Variants in CLASP1 observed in about 807,000 individuals in gnomAD.
The protein encoded by CLASP1 is cytoplasmic linker associated protein 1, also known as CLIP-associating protein 1.
A neutral mutation model predicts 192.3 loss-of-function variants in CLASP1; 38 were observed. The ratio of observed to expected loss-of-function variants is 0.20; its 90% CI spans 0.15 to 0.26. CLASP1 has a LOEUF of 0.26. Ranked by LOEUF, CLASP1 falls within the 10% of genes least tolerant of loss-of-function variation. The probability of loss-of-function intolerance (pLI) is 1.00; values close to 1 mark genes in which losing one functional copy is unlikely to be tolerated. For missense variants in CLASP1, 1,433 were observed against 1,932.5 expected, an observed-to-expected ratio of 0.74 and a Z score of 4.85; for synonymous variants, 691 against 712.8, an observed-to-expected ratio of 0.97 and a Z score of 0.49.
intron 19 of CLASP1, among the ~76,000 whole-genome samples, chr2:121,431,325 T>C (rs1259169671): frequency 6.6e-6 from 1 of 152,240 alleles, no homozygotes; most frequent in Non-Finnish European, 1.5e-5. Context: ...TACCATTTAC[T>C]AACAACTATA....
intron 7 of CLASP1, among the ~76,000 whole-genome samples, chr2:121,511,792 C>T (rs1350626226): frequency 1.3e-5 from 2 of 152,134 alleles, no homozygotes; most frequent in Non-Finnish European, 2.9e-5. Flanking sequence ...GAGGAACTGT[C>T]TTTTCAAAAA....
At chr2:121,425,468 C>T (rs1252619159) in intron 21 of CLASP1, among the ~76,000 whole-genome samples, 162 bp from the exon 22 acceptor site, 15 of 151,910 alleles carry the variant, frequency 9.9e-5, no homozygotes. Flanking sequence ...AATGTAGGAG[C>T]ATAAAAGACA....
In CLASP1 at chr2:121,449,131, C is replaced by T. The variant is rs755285550; in HGVS notation, c.1524-11G>A. ...AAACCCCAGTAACATCTAGAGGAAA[C>T]ACACAAAATCCTGGTCTAATTCAAG... On this transcript the variant is annotated splice_polypyrimidine_tract_variant and intron_variant, in intron 16 of 39. Transcript: ENST00000263710. 6.2e-7 allele frequency: 1 copy of T among 1,612,890 alleles called. No homozygotes were observed. Among genetic ancestry groups the T allele is most frequent in the Non-Finnish European group, 8.5e-7 (1 of 1,179,234 alleles).
At chr2:121,516,561 G>A (rs753646955) in intron 6 of CLASP1, among the ~76,000 whole-genome samples, 2 of 152,244 alleles carry the variant, frequency 1.3e-5, no homozygotes, top group Non-Finnish European at 2.9e-5. Context: ...GAAATAAGGT[G>A]TGAGAGACAG....
intron 1 of CLASP1, among the ~76,000 whole-genome samples, chr2:121,628,194 G>A (rs1408081899): frequency 6.6e-6 from 1 of 152,156 alleles, no homozygotes; most frequent in African/African-American, 2.4e-5. Flanking sequence ...AGAGAGCTGT[G>A]CCTTAACAAT....
intron 39 of CLASP1, among the ~76,000 whole-genome samples, chr2:121,344,898 C>G (rs1419533676): frequency 6.6e-6 from 1 of 152,166 alleles, no homozygotes; most frequent in East Asian, 1.9e-4. Flanking sequence ...TGGCTCACAC[C>G]TGCAATCCCA....
At chr2:121,368,186 C>T (rs772792280) in intron 34 of CLASP1, among the ~76,000 whole-genome samples, 9 of 152,098 alleles carry the variant, frequency 5.9e-5, no homozygotes, top group African/African-American at 1.7e-4. Flanking sequence ...AGACCAGCAA[C>T]GGGGGCTTCT....
At chr2:121,377,893 G>A (rs1406475771) in intron 33 of CLASP1, among the ~76,000 whole-genome samples, 1 of 152,148 alleles carries the variant, frequency 6.6e-6, no homozygotes, top group Non-Finnish European at 1.5e-5. Context: ...GGAAACAACA[G>A]TAACCACGAG....
chr2:121,440,930 G>C (rs2083229354), intron 19 of CLASP1, among the ~76,000 whole-genome samples: 1 of 151,994 alleles, frequency 6.6e-6, no homozygotes. Context: ...CAGACCCAGA[G>C]GAAAACAAAG....
At chr2:121,463,349 TC>T (rs1201142833) in intron 9 of CLASP1, among the ~76,000 whole-genome samples, 1 of 152,134 alleles carries the variant, frequency 6.6e-6, no homozygotes, top group Non-Finnish European at 1.5e-5. Flanking sequence ...TTCTTACCAC[TC>T]ATGTATCTGG....
At chr2:121,507,144 A>T (rs758777933) in intron 7 of CLASP1, among the ~76,000 whole-genome samples, 2 of 152,226 alleles carry the variant, frequency 1.3e-5, no homozygotes, top group Non-Finnish European at 2.9e-5. Flanking sequence ...CTTCAAGTCA[A>T]CTAATATAAA....
At chr2:121,569,952 CTG>C (rs1434231462) in intron 2 of CLASP1, among the ~76,000 whole-genome samples, 3 of 152,190 alleles carry the variant, frequency 2.0e-5, no homozygotes, top group Non-Finnish European at 4.4e-5. Flanking sequence ...AGTGCAGACT[CTG>C]GACTAGATTC....
intron 34 of CLASP1, among the ~76,000 whole-genome samples, chr2:121,368,804 C>CT (rs899882798): frequency 3.3e-5 from 5 of 152,164 alleles, no homozygotes; most frequent in Admixed American, 2.0e-4. Context: ...TGCATTTACA[C>CT]TTTTTTCCGG....
chr2:121,575,067 C>A (rs2060371937), intron 2 of CLASP1, among the ~76,000 whole-genome samples: 1 of 151,988 alleles, frequency 6.6e-6, no homozygotes, highest in African/African-American at 2.4e-5. Flanking sequence ...TATTTCAAAG[C>A]ATCATGTTGT....
At chr2:121,364,067 A>C (rs1287088529) in intron 36 of CLASP1, 2 of 152,250 alleles carry the variant, frequency 1.3e-5, no homozygotes, top group Non-Finnish European at 1.5e-5. Flanking sequence ...TTTTTTTAAA[A>C]GTATTTTTAA....
chr2:121,515,669 A>C (rs778050580), exon 7 of CLASP1: 1 of 1,613,600 alleles, frequency 6.2e-7, no homozygotes, highest in Non-Finnish European at 8.5e-7. Flanking sequence ...ACTCACCGGG[A>C]CTGTGGCAAT....
intron 23 of CLASP1, among the ~76,000 whole-genome samples, chr2:121,415,794 T>A (rs1243198521): frequency 3.9e-5 from 6 of 152,190 alleles, no homozygotes; most frequent in Non-Finnish European, 8.8e-5. Context: ...TCACATTCAG[T>A]CATAAAATAT....
At chr2:121,535,619 T>A (rs530792681) in intron 2 of CLASP1, among the ~76,000 whole-genome samples, 1 of 150,960 alleles carries the variant, frequency 6.6e-6, no homozygotes, top group South Asian at 2.1e-4. Flanking sequence ...TGAGAGACAA[T>A]AGGTAAAAAG....
chr2:121,386,794 A>T (rs2073289663), intron 32 of CLASP1, among the ~76,000 whole-genome samples: 1 of 152,256 alleles, frequency 6.6e-6, no homozygotes, highest in Admixed American at 6.5e-5. Flanking sequence ...TACCACTTGC[A>T]GAATGGGTAA....
Sources: gnomAD v4.1 joint callset for allele counts (sites outside exome capture counted in the v4.1 genomes callset) on GRCh38, gnomAD v4.1.1 for gene constraint, MANE v1.5 for transcripts, NCBI Gene and HGNC (gene_info 2026-07-23, HGNC 2026-07-21) for gene names.